Variants in KIRREL3 observed in about 807,000 individuals in gnomAD.
The protein encoded by KIRREL3 is kin of IRRE-like protein 3.
Under a neutral mutation model 89.7 loss-of-function variants are expected in KIRREL3, and 36 were observed. The observed-to-expected ratio is 0.40, with a 90% CI of 0.31 to 0.53. KIRREL3 has a LOEUF of 0.53. Ranked by LOEUF, KIRREL3 falls within the 20% of genes least tolerant of loss-of-function variation. KIRREL3 has a pLI of 0.49. For synonymous variants in KIRREL3, 445 were observed against 441.4 expected (o/e 1.01, Z -0.10); for missense variants, 864 against 1,056.6 (o/e 0.82, Z 2.53).
At position 126,424,154 on chromosome 11, in the gene KIRREL3, G is replaced by T; in HGVS notation, c.*426C>A. On this transcript the variant is annotated 3_prime_UTR_variant, in exon 17 of 17. Transcript: ENST00000525144. Reference sequence around the variant, plus strand: ...CATCCCCTTCTCCCCAGGGCTGTATGGGAGCACAGGCACAGGGGTAGGTAG... The same window carrying T: ...CATCCCCTTCTCCCCAGGGCTGTATTGGAGCACAGGCACAGGGGTAGGTAG... 4.3e-6 allele frequency: 1 copy of T among 232,914 alleles called. No homozygotes were observed. The highest frequency in any genetic ancestry group is 5.0e-5 in the Admixed American group (1 of 19,876). The allele number at this position is 232,914 out of a possible 1,614,324, so 14.4% of individuals were successfully genotyped here. A position where few individuals can be genotyped will look rare whatever the true frequency, so the allele number is the denominator to read the frequency against.
intron 1 of KIRREL3, among the ~76,000 whole-genome samples, chr11:126,902,186 C>T (rs1244642396): frequency 6.6e-6 from 1 of 152,144 alleles, no homozygotes; most frequent in Non-Finnish European, 1.5e-5. Flanking sequence ...GGCTACTTGG[C>T]CTGATAGCTC....
chr11:126,873,546 C>G (rs921415990), intron 1 of KIRREL3, among the ~76,000 whole-genome samples: 13 of 152,258 alleles, frequency 8.5e-5, no homozygotes, highest in Admixed American at 5.9e-4. Context: ...TTTTTGCTCA[C>G]AAGAGTCAAG....
In KIRREL3 at chr11:126,647,105, C is replaced by T. The variant is rs1009976665; in HGVS notation, c.56-84193G>A. Among the ~76,000 whole-genome samples the T allele has an allele frequency of 6.6e-5, 10 of 152,274 alleles. No homozygotes were observed. The highest frequency in any genetic ancestry group is 1.9e-4 in the African/African-American group (8 of 41,554). ...TCCAACCACTGACAAACAGGAGGCT[C>T]GGCACTTTTCATTTTAGGCACTTTT... On this transcript the variant is annotated intron_variant, in intron 1 of 16. Coordinates refer to ENST00000525144, the MANE Select transcript of KIRREL3 (RefSeq NM_032531.4). The surrounding 1 kb of genome is among the most constrained non-coding windows in gnomAD (Gnocchi z 4.9).
Position 126,454,369 on chromosome 11 carries a change from G to A in KIRREL3, c.848+1980C>T, listed in dbSNP as rs7113819. 0.077 allele frequency among the ~76,000 whole-genome samples: 11,675 copies of A among 152,138 alleles called. 1,536 individuals are homozygous for A. The highest frequency in any genetic ancestry group is 0.26 in the African/African-American group (10,963 of 41,458). On this transcript the variant is annotated intron_variant, in intron 7 of 16. Coordinates refer to ENST00000525144, the MANE Select transcript of KIRREL3 (RefSeq NM_032531.4). This position sits in a 1 kb window ranked among gnomAD's most constrained non-coding sequence, Gnocchi z 5.8. ...CCTACCCATCACTAGGACCCCAGGT[G>A]ACCAGAGCCTGGCAGTGAGGAGAAA...
intron 6 of KIRREL3, among the ~76,000 whole-genome samples, chr11:126,457,288 T>C (rs914485524): frequency 3.3e-5 from 5 of 151,544 alleles, no homozygotes; most frequent in African/African-American, 9.7e-5. Context: ...CATATGTGTA[T>C]GTGTGTATGC....
intron 5 of KIRREL3, among the ~76,000 whole-genome samples, chr11:126,472,407 C>T (rs940294340): frequency 2.0e-5 from 3 of 152,134 alleles, no homozygotes; most frequent in Non-Finnish European, 4.4e-5. Context: ...CTCACTGTGT[C>T]CTCACAATGT....
Position 126,440,805 on chromosome 11 carries a change from G to A in KIRREL3, c.1253-256C>T, listed in dbSNP as rs571543455. The A allele has an allele frequency of 1.2e-4, 69 of 565,920 alleles. No individual in the cohort carries two copies. In the Admixed American group the frequency reaches 2.1e-3, roughly 17 times the overall value. The allele number at this position is 565,920 out of a possible 1,614,324, so 35.1% of individuals were successfully genotyped here. On this transcript the variant is annotated intron_variant, in intron 10 of 16. Coordinates refer to ENST00000525144, the MANE Select transcript of KIRREL3 (RefSeq NM_032531.4). ...AAGATACAAATAACTGTAATAAAAG[G>A]TGGTGAGTGTTAGTACCACAGGAGC...
intron 1 of KIRREL3, among the ~76,000 whole-genome samples, chr11:126,835,192 T>C (rs1027903880): frequency 2.0e-5 from 3 of 152,246 alleles, no homozygotes; most frequent in Non-Finnish European, 2.9e-5. Flanking sequence ...CTTTAGGCTC[T>C]ATACCTCCCA....
At position 126,557,408 on chromosome 11, in the gene KIRREL3, T is replaced by C. The variant is rs1239328616; in HGVS notation, c.133+5427A>G. Among the ~76,000 whole-genome samples the C allele has an allele frequency of 1.3e-5, 2 of 152,198 alleles. No individual in the cohort carries two copies. Among genetic ancestry groups the C allele is most frequent in the Non-Finnish European group, 2.9e-5 (2 of 68,036 alleles). On this transcript the variant is annotated intron_variant, in intron 2 of 16. Transcript: ENST00000525144. The surrounding 1 kb of genome is among the most constrained non-coding windows in gnomAD (Gnocchi z 5.6). ...TGGGCTGTGAGAACAGGGTGTGGGCTGGGTGTTGAGATCCAAGATAGATTT... is the reference window on the plus strand; with the variant it reads ...TGGGCTGTGAGAACAGGGTGTGGGCCGGGTGTTGAGATCCAAGATAGATTT...
intron 1 of KIRREL3, among the ~76,000 whole-genome samples, chr11:126,842,156 T>C (rs1024642275): frequency 1.3e-5 from 2 of 152,052 alleles, no homozygotes; most frequent in Non-Finnish European, 1.5e-5. Context: ...CTGTGAGTGG[T>C]TGCTGTTCGG....
At chr11:126,483,758 G>C (rs1957281569) in intron 4 of KIRREL3, among the ~76,000 whole-genome samples, 1 of 152,146 alleles carries the variant, frequency 6.6e-6, no homozygotes, top group African/African-American at 2.4e-5. Context: ...ACAAATACAC[G>C]CTTTGGCTTG....
chr11:126,532,270 G>T (rs1201885846), intron 2 of KIRREL3, among the ~76,000 whole-genome samples: 1 of 152,176 alleles, frequency 6.6e-6, no homozygotes, highest in Non-Finnish European at 1.5e-5. Context: ...ACTATCCGAT[G>T]TAGGTTGTTG....
intron 1 of KIRREL3, among the ~76,000 whole-genome samples, chr11:126,938,129 A>G (rs1948285807): frequency 6.6e-6 from 1 of 152,212 alleles, no homozygotes; most frequent in African/African-American, 2.4e-5. Context: ...GTTGTTGCCA[A>G]ACCTATACCT....
chr11:126,941,537 A>G (rs1241364450), intron 1 of KIRREL3, among the ~76,000 whole-genome samples: 1 of 152,208 alleles, frequency 6.6e-6, no homozygotes, highest in African/African-American at 2.4e-5. Context: ...TGGTGCATAA[A>G]CTGACGTTGA....
intron 1 of KIRREL3, among the ~76,000 whole-genome samples, chr11:126,718,170 C>T (rs959224200): frequency 6.6e-6 from 1 of 152,310 alleles, no homozygotes; most frequent in East Asian, 1.9e-4. Context: ...ACCCTTCCAT[C>T]TCCTGCAGCC....
At position 126,724,998 on chromosome 11, in the gene KIRREL3, G is replaced by C. The variant is rs1948322621; in HGVS notation, c.56-162086C>G. Among the ~76,000 whole-genome samples, 2 of 152,230 alleles carry C rather than the reference G, an allele frequency of 1.3e-5. No individual in the cohort carries two copies. The highest frequency in any genetic ancestry group is 1.3e-4 in the Admixed American group (2 of 15,292). ...CTTCAGATGAAGAGACAGAGGTTCA[G>C]AGAGGTGAGGGGTTTCAGTGGAAAG... is the stretch of plus-strand genomic sequence containing the variant. On this transcript the variant is annotated intron_variant, in intron 1 of 16. Transcript: ENST00000525144. The surrounding 1 kb of genome is among the most constrained non-coding windows in gnomAD (Gnocchi z 4.3).
rs1949669369 is a variant in KIRREL3 at position 126,761,667 on chromosome 11, G to A, written c.56-198755C>T. On this transcript the variant is annotated intron_variant, in intron 1 of 16. Coordinates refer to ENST00000525144, the MANE Select transcript of KIRREL3 (RefSeq NM_032531.4). The surrounding 1 kb of genome is among the most constrained non-coding windows in gnomAD (Gnocchi z 4.4). ...TTCTTCTAAGGAATCTTGTAGAAAT[G>A]TGATTATGGTGTAGTTTGTGTATAT... Among the ~76,000 whole-genome samples, 2 of 152,172 alleles carry A rather than the reference G, an allele frequency of 1.3e-5. No individual in the cohort carries two copies. The highest frequency in any genetic ancestry group is 2.9e-5 in the Non-Finnish European group (2 of 68,034).
At position 126,425,644 on chromosome 11, in the gene KIRREL3, G is replaced by A. The variant is rs1300447436; in HGVS notation, c.1887C>T (p.Asn629=). The A allele has an allele frequency of 7.6e-6, 12 of 1,584,260 alleles. No homozygotes were observed. The highest frequency in any genetic ancestry group is 9.5e-6 in the Non-Finnish European group (11 of 1,163,740). ...VLKEEEKEFQ[N]LKDPTNGYYS... ...AACCCGGGGCCCTTCTTACCTTCAGGTTCTGAAACTCTTTCTCCTCTTCTT... is the reference window on the plus strand; with the variant it reads ...AACCCGGGGCCCTTCTTACCTTCAGATTCTGAAACTCTTTCTCCTCTTCTT... The change falls in exon 16 of 17, where the codon AAC becomes AAT. Residue 629 remains asparagine, a synonymous_variant. Coordinates refer to ENST00000525144, the MANE Select transcript of KIRREL3 (RefSeq NM_032531.4).
At chr11:126,548,839 A>T (rs1385380987) in intron 2 of KIRREL3, among the ~76,000 whole-genome samples, 1 of 152,026 alleles carries the variant, frequency 6.6e-6, no homozygotes, top group African/African-American at 2.4e-5. Context: ...TGGGCTCACC[A>T]CGTGGGTGGG....
Sources: allele counts gnomAD v4.1 joint callset (sites outside exome capture counted in the v4.1 genomes callset), GRCh38; gene constraint gnomAD v4.1.1; non-coding constraint Gnocchi (gnomAD v3.1); transcripts MANE v1.5; gene names NCBI Gene and HGNC (gene_info 2026-07-23, HGNC 2026-07-21).